Variants in PIN4 observed in about 807,000 individuals in gnomAD.
The protein encoded by PIN4 is peptidyl-prolyl cis-trans isomerase NIMA-interacting 4.
In PIN4, 3 loss-of-function variants were observed where a neutral mutation model predicts 8.3. The ratio of observed to expected loss-of-function variants is 0.36; its 90% CI spans 0.16 to 0.93. The LOEUF is 0.93. Among genes scored for constraint, PIN4 ranks in the 40% least tolerant of loss-of-function variants. PIN4 has a pLI of 0.44. For synonymous variants in PIN4, 18 were observed against 32.5 expected, an observed-to-expected ratio of 0.55 and a Z score of 1.52; for missense variants, 75 against 100.6, an observed-to-expected ratio of 0.75 and a Z score of 1.09.
At chrX:72,247,363 T>C (rs2092074283) in intron 3 of PIN4, among the ~76,000 whole-genome samples, 1 of 112,077 alleles carries the variant, frequency 8.9e-6, no homozygotes, top group Admixed American at 9.4e-5. Context: ...GAGCCCAGTG[T>C]CGCTGGACTC....
At chrX:72,238,701 C>T (rs2043031268) in intron 3 of PIN4, 3 of 504,944 alleles carry the variant, frequency 5.9e-6, no homozygotes, top group African/African-American at 4.7e-5. Context: ...CTGACTCCCA[C>T]ACCCTACTGC....
chrX:72,210,195 C>T (rs201999162), intron 3 of PIN4, among the ~76,000 whole-genome samples: 4 of 79,930 alleles, frequency 5.0e-5, no homozygotes, highest in African/African-American at 1.6e-4. Context: ...GCGAGACTGT[C>T]TCTTAAAAAA....
At chrX:72,208,587 G>A (rs750718719) in intron 3 of PIN4, 14 of 1,209,713 alleles carry the variant, frequency 1.2e-5, no homozygotes, top group Non-Finnish European at 1.5e-5. Flanking sequence ...GTATTTTTTG[G>A]ATTCTGCTCA....
chrX:72,198,379 T>G, downstream of PIN4: 2 of 707,088 alleles, frequency 2.8e-6, no homozygotes, highest in Non-Finnish European at 3.4e-6. Context: ...ACACACTGCC[T>G]TCTCTCCCTC....
intron 3 of PIN4, 77 bp from the exon 4 acceptor site, chrX:72,197,291 G>A: frequency 2.1e-6 from 2 of 956,265 alleles, no homozygotes; most frequent in Non-Finnish European, 1.4e-6. Context: ...CAAAATGTTG[G>A]GAAATTCTCT....
chrX:72,186,674 C>A, intron 2 of PIN4, 140 bp downstream of exon 2: 1 of 473,920 alleles, frequency 2.1e-6, no homozygotes, highest in Non-Finnish European at 3.6e-6. Flanking sequence ...AAAATTGTAG[C>A]TGGGCGCACC....
intron 3 of PIN4, among the ~76,000 whole-genome samples, chrX:72,221,923 C>T (rs1359052014): frequency 9.1e-6 from 1 of 109,967 alleles, no homozygotes; most frequent in Non-Finnish European, 1.9e-5. Flanking sequence ...CCCCTTCCCT[C>T]GAAACCCCTT....
chrX:72,234,301 G>A (rs2043004156), intron 3 of PIN4, among the ~76,000 whole-genome samples: 1 of 111,872 alleles, frequency 8.9e-6, no homozygotes, highest in Non-Finnish European at 1.9e-5. Context: ...TGAATCATGT[G>A]TTTCATGGAG....
At chrX:72,259,916 T>G (rs1431640268) in intron 3 of PIN4, among the ~76,000 whole-genome samples, 1 of 107,867 alleles carries the variant, frequency 9.3e-6, no homozygotes, top group Non-Finnish European at 1.9e-5. Context: ...CTTTTTTTTT[T>G]TTAGTATAGA....
chrX:72,185,147 C>CAAAAAAA (rs746215043), intron 1 of PIN4, among the ~76,000 whole-genome samples: 3,144 of 24,359 alleles, frequency 0.13, 662 homozygotes, highest in African/African-American at 0.25. Context: ...GACTCCGTCT[C>CAAAAAAA]AAAAAAAAAA....
intron 3 of PIN4, among the ~76,000 whole-genome samples, chrX:72,219,718 G>A (rs955149518): frequency 1.1e-4 from 12 of 105,198 alleles, no homozygotes; most frequent in African/African-American, 3.2e-4. Context: ...GCGTGGTGGT[G>A]CACGCCTGTC....
At chrX:72,199,883 G>A (rs1043174582), downstream of PIN4, among the ~76,000 whole-genome samples, 5 of 112,239 alleles carry the variant, frequency 4.5e-5, no homozygotes, top group African/African-American at 6.5e-5. Context: ...GTTGGTAAAC[G>A]GGCCAGGCAG....
At chrX:72,206,143 G>A in intron 3 of PIN4, 2 of 1,211,774 alleles carry the variant, frequency 1.7e-6, no homozygotes, top group Non-Finnish European at 2.2e-6. Flanking sequence ...CCCAATATCA[G>A]CTTTGGTTGA....
intron 3 of PIN4, among the ~76,000 whole-genome samples, chrX:72,234,055 A>G (rs2043002023): frequency 1.8e-5 from 2 of 110,242 alleles, no homozygotes; most frequent in Admixed American, 9.7e-5. Flanking sequence ...GGTTGCAGTG[A>G]GCTGAGATTG....
At chrX:72,263,041 T>C in exon 4 of PIN4, 1 of 290,686 alleles carries the variant, frequency 3.4e-6, no homozygotes, top group Non-Finnish European at 6.1e-6. Context: ...TGTTCATTTG[T>C]TCAGCACCCA....
At chrX:72,199,166 G>A (rs12690112), downstream of PIN4, 46,982 of 110,442 alleles carry the variant, frequency 0.43, 8,977 homozygotes, top group East Asian at 0.98. Context: ...TTCTGCCTCA[G>A]CCTCCCTAGT....
chrX:72,234,361 G>A (rs1173672986), intron 3 of PIN4, among the ~76,000 whole-genome samples: 2 of 111,824 alleles, frequency 1.8e-5, no homozygotes, highest in African/African-American at 6.5e-5. Flanking sequence ...TGAAGATTGA[G>A]AATTGACTGT....
chrX:72,232,758 T>C (rs2042992802), intron 3 of PIN4, among the ~76,000 whole-genome samples: 2 of 111,685 alleles, frequency 1.8e-5, no homozygotes, highest in African/African-American at 6.5e-5. Context: ...TGCAGTGAGC[T>C]GAGATCGCGT....
At chrX:72,206,349 A>C (rs1468244549) in intron 3 of PIN4, 1 of 1,210,345 alleles carries the variant, frequency 8.3e-7, no homozygotes. Context: ...AGTCAGCACT[A>C]CCTGTACCTT....
Sources: allele counts gnomAD v4.1 joint callset (sites outside exome capture counted in the v4.1 genomes callset), GRCh38; gene constraint gnomAD v4.1.1; transcripts MANE v1.5; gene names NCBI Gene and HGNC (gene_info 2026-07-23, HGNC 2026-07-21).